Variants in CCDC14 observed in about 807,000 individuals in gnomAD.
CCDC14 encodes the protein coiled-coil domain-containing protein 14.
A neutral mutation model predicts 81.4 loss-of-function variants in CCDC14; 71 were observed. The observed-to-expected ratio is 0.87, with a 90% CI of 0.72 to 1.06. The LOEUF (loss-of-function observed/expected upper bound fraction) is 1.06. Among genes scored for constraint, CCDC14 ranks in the 50% least tolerant of loss-of-function variants. The pLI is 0.00. For synonymous variants in CCDC14, 332 were observed against 364.8 expected, an observed-to-expected ratio of 0.91 and a Z score of 1.03; for missense variants, 1,046 against 1,047.3, an observed-to-expected ratio of 1.00 and a Z score of 0.02.
chr3:123,948,650 T>C (rs1386030714), intron 7 of CCDC14, 41 bp downstream of exon 7: 2 of 1,427,838 alleles, frequency 1.4e-6, no homozygotes, highest in Non-Finnish European at 1.9e-6. Flanking sequence ...ATGACTGCTA[T>C]AAGCAAATAG....
chr3:123,897,749 G>T, intron 5 of CCDC14: 1 of 213,154 alleles, frequency 4.7e-6, no homozygotes, highest in Non-Finnish European at 8.6e-6. Flanking sequence ...ACCCTCAAGA[G>T]CCCTATACCT....
intron 5 of CCDC14, among the ~76,000 whole-genome samples, chr3:123,900,079 A>T (rs2034148995): frequency 6.6e-6 from 1 of 152,200 alleles, no homozygotes; most frequent in Admixed American, 6.5e-5. Flanking sequence ...GGCTTTTTCT[A>T]TATATCCAAG....
At chr3:123,899,877 A>G (rs1387361406) in intron 5 of CCDC14, among the ~76,000 whole-genome samples, 2 of 152,178 alleles carry the variant, frequency 1.3e-5, no homozygotes, top group Non-Finnish European at 2.9e-5. Context: ...TTTTCTGAAC[A>G]TGCCATGGTA....
In CCDC14 at chr3:123,914,843, G is replaced by GC. The variant is rs763255574; in HGVS notation, c.2653dup (p.Ala885GlyfsTer9). On this transcript the variant is annotated frameshift_variant, in exon 13 of 13. Coordinates refer to ENST00000409697, the MANE Select transcript of CCDC14 (RefSeq NM_001366335.1). LOFTEE classifies it high-confidence loss of function. ...TCTAGCTATGTTGGCATCTAATGCC[G>GC]CAAGGCCATTTCTGAAGTCTTGTTC... The GC allele has an allele frequency of 6.9e-6, 11 of 1,604,766 alleles. No individual in the cohort carries two copies. In the South Asian group the frequency reaches 1.1e-4, roughly 16 times the overall value.
rs1302413297 is a variant in CCDC14, at chr3:123,956,060, C to T, written c.215G>A (p.Arg72Lys). ...AAAAAAAAAACCTGAATCTTCATTT[C>T]TCAAAATGTCCCTCAGCAAAGAAGC... is the stretch of plus-strand genomic sequence containing the variant. Reference protein sequence around the residue: ...GCASLLRDILRNEDSGSETAY... With the variant: ...GCASLLRDILKNEDSGSETAY... Residue 72 changes from arginine (R) to lysine (K), a missense_variant, in exon 4 of 13, where the codon AGA becomes AAA. Coordinates refer to ENST00000409697, the MANE Select transcript of CCDC14 (RefSeq NM_001366335.1). The T allele has an allele frequency of 2.6e-6, 4 of 1,544,142 alleles. No homozygotes were observed. Among genetic ancestry groups the T allele is most frequent in the Non-Finnish European group, 3.5e-6 (4 of 1,144,686 alleles).
At chr3:123,926,440 A>G (rs2035365656) in intron 12 of CCDC14, among the ~76,000 whole-genome samples, 2 of 151,392 alleles carry the variant, frequency 1.3e-5, no homozygotes, top group Admixed American at 1.3e-4. Context: ...TTTCTAGGCT[A>G]CTTACAAAAA....
chr3:123,915,674 A>G lies in CCDC14; in HGVS notation c.1823T>C (p.Val608Ala). 1 of 1,613,642 alleles carries G rather than the reference A, an allele frequency of 6.2e-7. No homozygotes were observed. The highest frequency in any genetic ancestry group is 8.5e-7 in the Non-Finnish European group (1 of 1,179,760). The change falls in exon 13 of 13, where the codon GTG (valine) becomes GCG (alanine). Residue 608 changes from valine (V) to alanine (A), a missense_variant. Physicochemically the swap from Val to Ala is moderately conservative, Grantham distance 64. Coordinates refer to ENST00000409697, the MANE Select transcript of CCDC14 (RefSeq NM_001366335.1). ...CCCAGGCTTGCAGCGAGCACTGTCC[A>G]CACTAAGATCGGAGAGAAGCTTTGC... ...SMAKLLSDLS[V>A]DSARCKPGNN...
At chr3:123,961,084 C>G in intron 1 of CCDC14, 60 bp downstream of exon 1, 1 of 1,421,246 alleles carries the variant, frequency 7.0e-7, no homozygotes, top group Non-Finnish European at 9.5e-7. Context: ...GTTCCTGGCC[C>G]GAAAACCCCC....
Position 123,931,293 on chromosome 3 carries a change from T to C in CCDC14, c.1645+15A>G, listed in dbSNP as rs760125569. ...TTTTAAAAGATGTGACCATAACTAC[T>C]GTCTAAATACGTACCAATTTTTATT... is the stretch of plus-strand genomic sequence containing the variant. On this transcript the variant is annotated intron_variant, in intron 11 of 12. Coordinates refer to ENST00000409697, the MANE Select transcript of CCDC14 (RefSeq NM_001366335.1). The C allele has an allele frequency of 3.2e-6, 5 of 1,564,764 alleles. No individual in the cohort carries two copies. The South Asian group carries it at 3.6e-5, about 11-fold the overall frequency.
intron 9 of CCDC14, among the ~76,000 whole-genome samples, chr3:123,938,363 C>A (rs1391088912): frequency 6.6e-6 from 1 of 151,930 alleles, no homozygotes; most frequent in South Asian, 2.1e-4. Flanking sequence ...CTAAATTGTT[C>A]ATATTTTTTT....
chr3:123,911,418 T>C, downstream of CCDC14, among the ~76,000 whole-genome samples: 1 of 152,174 alleles, frequency 6.6e-6, no homozygotes, highest in East Asian at 1.9e-4. Flanking sequence ...GAACTAACAT[T>C]GGAAAAATGA....
intron 5 of CCDC14, chr3:123,952,494 T>C (rs894821366): frequency 2.9e-5 from 11 of 378,404 alleles, no homozygotes; most frequent in Non-Finnish European, 5.4e-5. Flanking sequence ...AAAAAATACA[T>C]ATTTTTTTTA....
At chr3:123,931,739 G>A (rs2035732365) in intron 10 of CCDC14, among the ~76,000 whole-genome samples, 1 of 151,950 alleles carries the variant, frequency 6.6e-6, no homozygotes. Flanking sequence ...GACATTTTAA[G>A]CATTAATTTT....
At chr3:123,957,965 T>C (rs998570635) in intron 1 of CCDC14, 1 of 152,120 alleles carries the variant, frequency 6.6e-6, no homozygotes, top group Non-Finnish European at 1.5e-5. Flanking sequence ...TTTCTAAAGT[T>C]ATACGGCATT....
At chr3:123,909,100 C>T (rs913772893), downstream of CCDC14, among the ~76,000 whole-genome samples, 4 of 151,962 alleles carry the variant, frequency 2.6e-5, no homozygotes, top group African/African-American at 9.7e-5. Flanking sequence ...TTTTGGAGCT[C>T]CTTACTTTTA....
intron 5 of CCDC14, chr3:123,953,048 G>C (rs1321711122): frequency 6.5e-6 from 1 of 155,008 alleles, no homozygotes; most frequent in Middle Eastern, 3.4e-3. Context: ...CTGCTGATTC[G>C]GCTGTAATCC....
rs2682243 is a variant in CCDC14, at chr3:123,934,789, A to C, written c.1344-1034T>G. ...CCTTAAAATATTTATTTTTGGTACT[A>C]ACTCTAAAATGATAGTACCCTACCT... On this transcript the variant is annotated intron_variant, in intron 9 of 12. Transcript: ENST00000409697. Among the ~76,000 whole-genome samples the C allele has an allele frequency of 2.0e-5, 3 of 151,960 alleles. No individual in the cohort carries two copies. In the East Asian group the frequency reaches 5.8e-4, roughly 29 times the overall value.
intron 9 of CCDC14, among the ~76,000 whole-genome samples, chr3:123,942,901 C>T (rs1355624324): frequency 6.6e-6 from 1 of 151,932 alleles, no homozygotes; most frequent in Admixed American, 6.6e-5. Flanking sequence ...GTAATTCCAA[C>T]AAGTTAAGAT....
intron 3 of CCDC14, 41 bp from the exon 4 acceptor site, chr3:123,956,156 C>T: frequency 6.8e-7 from 1 of 1,461,176 alleles, no homozygotes; most frequent in Non-Finnish European, 9.2e-7. Flanking sequence ...TTGTATATGA[C>T]TGTTAGTGTA....
Sources: gnomAD v4.1 joint callset for allele counts (sites outside exome capture counted in the v4.1 genomes callset) on GRCh38, gnomAD v4.1.1 for gene constraint, MANE v1.5 for transcripts, NCBI Gene and HGNC (gene_info 2026-07-23, HGNC 2026-07-21) for gene names.